FAM135B: variants seen among roughly 807,000 people sequenced by gnomAD.
FAM135B encodes protein FAM135B.
FAM135B carries 43 observed loss-of-function variants against 127.7 expected under a neutral mutation model. The ratio of observed to expected loss-of-function variants is 0.34; its 90% CI spans 0.26 to 0.43. FAM135B has a LOEUF of 0.43. Among genes scored for constraint, FAM135B ranks in the 20% least tolerant of loss-of-function variants. The pLI is 1.00. For missense variants in FAM135B, 1,558 were observed against 1,725.6 expected, an observed-to-expected ratio of 0.90 and a Z score of 1.72; for synonymous variants, 670 against 665.1, an observed-to-expected ratio of 1.01 and a Z score of -0.11.
At chr8:138,167,272 T>C (rs1164720697) in intron 12 of FAM135B, among the ~76,000 whole-genome samples, 1 of 152,192 alleles carries the variant, frequency 6.6e-6, no homozygotes, top group Non-Finnish European at 1.5e-5. Context: ...CTCGGTTCAC[T>C]GCAACCTCTG....
intron 1 of FAM135B, among the ~76,000 whole-genome samples, chr8:138,428,227 GA>G (rs1835005968): frequency 6.6e-6 from 1 of 152,118 alleles, no homozygotes; most frequent in South Asian, 2.1e-4. Flanking sequence ...TTTTAAATAA[GA>G]AAATGAAGTC....
intron 19 of FAM135B, among the ~76,000 whole-genome samples, chr8:138,135,892 A>G (rs1167117126): frequency 1.3e-5 from 2 of 152,174 alleles, no homozygotes; most frequent in Non-Finnish European, 2.9e-5. Context: ...ATATTACTCT[A>G]AATCAAATCA....
At chr8:138,474,445 G>C (rs1814276845) in intron 1 of FAM135B, among the ~76,000 whole-genome samples, 1 of 152,154 alleles carries the variant, frequency 6.6e-6, no homozygotes, top group African/African-American at 2.4e-5. Context: ...ACATAGTAGA[G>C]ATCAATCATA....
chr8:138,458,316 T>C (rs1027840005), intron 1 of FAM135B, among the ~76,000 whole-genome samples: 1 of 152,218 alleles, frequency 6.6e-6, no homozygotes, highest in Non-Finnish European at 1.5e-5. Context: ...ATGTCAGGAA[T>C]TCAATATTTA....
intron 2 of FAM135B, among the ~76,000 whole-genome samples, chr8:138,339,822 G>C (rs562764259): frequency 6.6e-6 from 1 of 152,152 alleles, no homozygotes; most frequent in African/African-American, 2.4e-5. Context: ...GTCCTCTGCA[G>C]GGCTGGACTC....
intron 12 of FAM135B, among the ~76,000 whole-genome samples, chr8:138,165,126 T>TC (rs1479306356): frequency 8.6e-4 from 130 of 151,800 alleles, no homozygotes; most frequent in Admixed American, 2.2e-3. Context: ...TAATTGATTT[T>TC]TTTTTTTTTT....
At position 138,339,358 on chromosome 8, in the gene FAM135B, A is replaced by AATATATATATATAT. The variant is rs143774221; in HGVS notation, c.78-28452_78-28439dup. 1.2e-3 allele frequency among the ~76,000 whole-genome samples: 172 copies of AATATATATATATAT among 147,712 alleles called. 1 individual carries two copies. The East Asian group carries it at 0.013, about 12-fold the overall frequency. ...TGCATCCTGTTTAAAAAACTAACTA[A>AATATATATATATAT]ATATATATATATATATATATATATA... On this transcript the variant is annotated intron_variant, in intron 2 of 19. Coordinates refer to ENST00000395297, the MANE Select transcript of FAM135B (RefSeq NM_015912.4).
At chr8:138,384,152 T>C (rs1283590826) in intron 1 of FAM135B, among the ~76,000 whole-genome samples, 1 of 152,188 alleles carries the variant, frequency 6.6e-6, no homozygotes, top group East Asian at 1.9e-4. Context: ...GTCCGGTGCA[T>C]AGCATAGCTG....
intron 1 of FAM135B, chr8:138,450,666 AT>A: frequency 6.6e-6 from 1 of 152,172 alleles, no homozygotes; most frequent in South Asian, 2.1e-4. Flanking sequence ...GTCTGTTATA[AT>A]TTCTGGCTCA....
intron 1 of FAM135B, among the ~76,000 whole-genome samples, chr8:138,459,899 A>G (rs962127490): frequency 2.0e-5 from 3 of 151,372 alleles, no homozygotes; most frequent in African/African-American, 7.3e-5. Context: ...AATCCCAGGC[A>G]GCCTAAGGGA....
rs2130755093 is a variant in FAM135B, at chr8:138,152,075, A to G, written c.2400T>C (p.Asp800=). 6.2e-7 allele frequency: 1 copy of G among 1,613,942 alleles called. No homozygotes were observed. The highest frequency in any genetic ancestry group is 1.1e-5 in the South Asian group (1 of 91,076). Residue 800 remains aspartate, a synonymous_variant, in exon 13 of 20, where the codon GAT becomes GAC. Coordinates refer to ENST00000395297, the MANE Select transcript of FAM135B (RefSeq NM_015912.4). ...QQDGGFAEPS[D]MHSKSQGSPG... ...GGGAACCTTGGCTCTTGCTGTGCAT[A>G]TCTGAAGGTTCAGCAAAACCTCCAT...
intron 3 of FAM135B, 98 bp from the exon 4 acceptor site, chr8:138,265,940 C>T (rs2130635339): frequency 1.6e-6 from 2 of 1,281,710 alleles, no homozygotes; most frequent in South Asian, 3.2e-5. Flanking sequence ...GCTAATGGCC[C>T]CAAGCTGCCT....
chr8:138,189,262 C>T (rs1815886294), intron 9 of FAM135B, among the ~76,000 whole-genome samples: 1 of 152,164 alleles, frequency 6.6e-6, no homozygotes, highest in Admixed American at 6.5e-5. Flanking sequence ...AGATTATCTT[C>T]CCGCTCCATG....
chr8:138,170,866 G>A lies in FAM135B; in HGVS notation c.1104-2817C>T, dbSNP rs141372569. The stretch of plus-strand genomic sequence containing the variant: ...GGCACCATCCAATTAGTTGGGTCCC[G>A]GATGAAATGAAAAGCAGAGGAAAGG... On this transcript the variant is annotated intron_variant, in intron 11 of 19. Coordinates refer to ENST00000395297, the MANE Select transcript of FAM135B (RefSeq NM_015912.4). 3.0e-4 allele frequency among the ~76,000 whole-genome samples: 45 copies of A among 152,192 alleles called. No homozygotes were observed. In the East Asian group the frequency reaches 6.0e-3, roughly 20 times the overall value.
chr8:138,157,282 T>G (rs996328616), intron 12 of FAM135B, among the ~76,000 whole-genome samples: 1 of 152,174 alleles, frequency 6.6e-6, no homozygotes, highest in Non-Finnish European at 1.5e-5. Flanking sequence ...AACTAGGTAT[T>G]GATGGGACAT....
In FAM135B at chr8:138,344,577, C is replaced by CTTTTTTTTT. The variant is rs869039075; in HGVS notation, c.77+23321_77+23329dup. 5.3e-3 allele frequency among the ~76,000 whole-genome samples: 443 copies of CTTTTTTTTT among 83,902 alleles called. 1 individual carries two copies. The highest frequency in any genetic ancestry group is 6.6e-3 in the Middle Eastern group (1 of 152). 55.0% of individuals were successfully genotyped at this position (83,902 alleles called of 152,430 possible). On this transcript the variant is annotated intron_variant, in intron 2 of 19. Transcript: ENST00000395297. ...GTCTCTTGCTACACTTTCTTTCTTT[C>CTTTTTTTTT]TTTTTTTTTTTTTTTTGTTAAGGAG...
At chr8:138,293,490 G>T (rs917787171) in intron 3 of FAM135B, among the ~76,000 whole-genome samples, 2 of 152,066 alleles carry the variant, frequency 1.3e-5, no homozygotes, top group Non-Finnish European at 2.9e-5. Flanking sequence ...GAAAACATTT[G>T]CAAACTCTGC....
chr8:138,132,755 C>A lies in FAM135B; in HGVS notation c.4059G>T (p.Leu1353=), dbSNP rs1166513111. 6.2e-7 allele frequency: 1 copy of A among 1,614,190 alleles called. No homozygotes were observed. Among genetic ancestry groups the A allele is most frequent in the Non-Finnish European group, 8.5e-7 (1 of 1,180,036 alleles). Residue 1353 remains leucine, a synonymous_variant, in exon 20 of 20, where the codon CTG becomes CTT. Coordinates refer to ENST00000395297, the MANE Select transcript of FAM135B (RefSeq NM_015912.4). This position sits in a 1 kb window ranked among gnomAD's most constrained non-coding sequence, Gnocchi z 4.5. ...TTAAAGTGCAGTCCTTGGCTTCAAC[C>A]AGAGGGCCCAGGAGGTTGTTGATCA... ...AEMINNLLGP[L]VEAKDCTLIR...
chr8:138,225,002 A>C (rs1819307644), intron 7 of FAM135B, among the ~76,000 whole-genome samples: 1 of 152,226 alleles, frequency 6.6e-6, no homozygotes, highest in African/African-American at 2.4e-5. Context: ...GCCTGAAGGA[A>C]TAAGTTTTAA....
Sources: allele counts gnomAD v4.1 joint callset (sites outside exome capture counted in the v4.1 genomes callset), GRCh38; gene constraint gnomAD v4.1.1; non-coding constraint Gnocchi (gnomAD v3.1); transcripts MANE v1.5; gene names NCBI Gene and HGNC (gene_info 2026-07-23, HGNC 2026-07-21).